NADSYN1: variants seen among roughly 807,000 people sequenced by gnomAD.
NADSYN1 encodes the protein NAD synthetase 1, also known as glutamine-dependent NAD(+) synthetase.
A neutral mutation model predicts 99.3 loss-of-function variants in NADSYN1; 80 were observed. That is an observed-to-expected ratio of 0.81 (90% CI 0.67 to 0.97). NADSYN1 has a LOEUF of 0.97. Ranked by LOEUF, NADSYN1 falls within the 50% of genes least tolerant of loss-of-function variation. The probability of loss-of-function intolerance (pLI) is 0.00; values close to 1 mark genes in which losing one functional copy is unlikely to be tolerated. For synonymous variants in NADSYN1, 385 were observed against 372.1 expected (o/e 1.03, Z -0.40); for missense variants, 859 against 948.5 (o/e 0.91, Z 1.24).
In NADSYN1 at chr11:71,473,645, G is replaced by T; in HGVS notation, c.625G>T (p.Ala209Ser). 3 of 1,613,256 alleles carry T rather than the reference G, an allele frequency of 1.9e-6. No individual in the cohort carries two copies. Among genetic ancestry groups the T allele is most frequent in the Non-Finnish European group, 1.7e-6 (2 of 1,179,892 alleles). ...GGGCAGCCACCAAGTGCTGCGCAAAGCCAACACCAGGGTGGATCTCGTGAC... is the reference window on the plus strand; with the variant it reads ...GGGCAGCCACCAAGTGCTGCGCAAATCCAACACCAGGGTGGATCTCGTGAC... ...ASGSHQVLRK[A>S]NTRVDLVTMV... The change falls in exon 8 of 21, where the codon GCC (alanine) becomes TCC (serine). Residue 209 changes from alanine (A) to serine (S), a missense_variant. Physicochemically the swap from Ala to Ser is moderately conservative, Grantham distance 99. Transcript: ENST00000319023.
Position 71,469,267 on chromosome 11 carries a change from G to A in NADSYN1, c.408-3182G>A, listed in dbSNP as rs137947954. 3.1e-4 allele frequency among the ~76,000 whole-genome samples: 47 copies of A among 152,256 alleles called. No individual in the cohort carries two copies. The East Asian group carries it at 8.5e-3, about 28-fold the overall frequency. On this transcript the variant is annotated intron_variant, in intron 5 of 20. Coordinates refer to ENST00000319023, the MANE Select transcript of NADSYN1 (RefSeq NM_018161.5). ...GGATTCGAGACCAGCTCAGAAGTTC[G>A]AGACCAGCCTGGGCAACGTGGTGAA...
At chr11:71,489,224 G>T (rs1005404293) in intron 16 of NADSYN1, among the ~76,000 whole-genome samples, 4 of 152,038 alleles carry the variant, frequency 2.6e-5, no homozygotes, top group African/African-American at 7.3e-5. Flanking sequence ...GCGAGAGGAG[G>T]GGACAGCTGC....
At chr11:71,472,426 C>T (rs1380482292) in intron 5 of NADSYN1, 23 bp from the exon 6 acceptor site, 1 of 1,587,798 alleles carries the variant, frequency 6.3e-7, no homozygotes, top group Non-Finnish European at 8.7e-7. Context: ...TCATCCTCAG[C>T]TCCTCGGTGT....
chr11:71,473,394 A>T, intron 7 of NADSYN1, 28 bp downstream of exon 7: 1 of 1,609,504 alleles, frequency 6.2e-7, no homozygotes. Context: ...GTGCTGTCTG[A>T]TCGCCCACCT....
intron 3 of NADSYN1, chr11:71,460,785 C>T: frequency 6.6e-6 from 1 of 152,216 alleles, no homozygotes; most frequent in Non-Finnish European, 1.5e-5. Flanking sequence ...TCATTGATAA[C>T]TTCCATCCTG....
chr11:71,455,679 T>C (rs922300745), intron 2 of NADSYN1, among the ~76,000 whole-genome samples: 1 of 152,218 alleles, frequency 6.6e-6, no homozygotes, highest in African/African-American at 2.4e-5. Context: ...CCTTACCAGA[T>C]ACCAAATCTG....
intron 16 of NADSYN1, among the ~76,000 whole-genome samples, chr11:71,487,649 G>T (rs1223966901): frequency 6.6e-6 from 1 of 151,764 alleles, no homozygotes; most frequent in African/African-American, 2.4e-5. Flanking sequence ...GGCTAACACG[G>T]TGAAACCCTG....
chr11:71,480,978 G>C (rs983065635), intron 11 of NADSYN1, 99 bp downstream of exon 11: 2 of 1,513,416 alleles, frequency 1.3e-6, no homozygotes, highest in African/African-American at 1.4e-5. Flanking sequence ...TTCAGAACCT[G>C]CCTGGGTGGG....
chr11:71,473,175 A>G, intron 6 of NADSYN1, 103 bp from the exon 7 acceptor site: 1 of 1,121,494 alleles, frequency 8.9e-7, no homozygotes, highest in Non-Finnish European at 1.3e-6. Context: ...CCCAGAGCCA[A>G]CTCCAGCTCT....
At chr11:71,454,998 T>G in intron 1 of NADSYN1, 112 bp from the exon 2 acceptor site, 7 of 707,376 alleles carry the variant, frequency 9.9e-6, no homozygotes, top group Non-Finnish European at 1.6e-5. Context: ...AGCATTTTTG[T>G]TTGTTGTTTG....
chr11:71,470,479 C>T (rs549003525), intron 5 of NADSYN1, among the ~76,000 whole-genome samples: 2 of 152,354 alleles, frequency 1.3e-5, no homozygotes, highest in South Asian at 4.1e-4. Context: ...GTGCACTGGG[C>T]TTATTTTAAT....
intron 6 of NADSYN1, among the ~76,000 whole-genome samples, chr11:71,472,918 G>A (rs1005059198): frequency 1.3e-5 from 2 of 152,262 alleles, no homozygotes; most frequent in Non-Finnish European, 2.9e-5. Flanking sequence ...GTGGCTGGGA[G>A]TGGGGGCCTA....
intron 16 of NADSYN1, among the ~76,000 whole-genome samples, chr11:71,488,301 G>A (rs918401139): frequency 6.6e-6 from 1 of 150,938 alleles, no homozygotes; most frequent in African/African-American, 2.5e-5. Context: ...CGCCGAGAGA[G>A]CTCAAGGAGG....
Position 71,472,445 on chromosome 11 carries a change from C to T in NADSYN1, c.408-4C>T, listed in dbSNP as rs1441856154. The stretch of plus-strand genomic sequence containing the variant: ...CCTCAGCTCCTCGGTGTTTTCCTCT[C>T]CAGGCACACAGAGGAGTACTTTCTG... On this transcript the variant is annotated splice_polypyrimidine_tract_variant and splice_region_variant and intron_variant, in intron 5 of 20. Transcript: ENST00000319023. The T allele has an allele frequency of 6.2e-6, 10 of 1,610,732 alleles. No homozygotes were observed. Among genetic ancestry groups the T allele is most frequent in the South Asian group, 4.4e-5 (4 of 91,054 alleles).
chr11:71,471,966 T>G (rs1207249449), intron 5 of NADSYN1, among the ~76,000 whole-genome samples: 3 of 152,188 alleles, frequency 2.0e-5, no homozygotes, highest in African/African-American at 7.2e-5. Context: ...TTGGGACACC[T>G]TGCACTAAAG....
chr11:71,484,570 T>G, intron 15 of NADSYN1, 123 bp downstream of exon 15: 33 of 1,369,966 alleles, frequency 2.4e-5, no homozygotes, highest in South Asian at 2.9e-5. Context: ...TGGCACCGGT[T>G]ACCTAGGGAC....
chr11:71,484,792 C>T (rs984598758), intron 15 of NADSYN1: 9 of 287,908 alleles, frequency 3.1e-5, no homozygotes, highest in East Asian at 2.8e-4. Flanking sequence ...TGAGCCTGAG[C>T]GTGAGAGGTT....
chr11:71,470,583 T>C (rs72956340), intron 5 of NADSYN1, among the ~76,000 whole-genome samples: 8,549 of 152,338 alleles, frequency 0.056, 352 homozygotes, highest in Non-Finnish European at 0.091. Context: ...GCCAAACAGA[T>C]TTTAGCATTT....
chr11:71,487,873 A>ACGTAAAC (rs1949753212), intron 16 of NADSYN1, among the ~76,000 whole-genome samples: 1 of 151,634 alleles, frequency 6.6e-6, no homozygotes, highest in Non-Finnish European at 1.5e-5. Flanking sequence ...AAATAAGCAA[A>ACGTAAAC]CGTAAACGTA....
Sources: allele counts gnomAD v4.1 joint callset (sites outside exome capture counted in the v4.1 genomes callset), GRCh38; gene constraint gnomAD v4.1.1; transcripts MANE v1.5; gene names NCBI Gene and HGNC (gene_info 2026-07-23, HGNC 2026-07-21).